Variants in AIDA observed in about 807,000 individuals in gnomAD.
AIDA encodes axin interactor, dorsalization associated.
Under a neutral mutation model 42.7 loss-of-function variants are expected in AIDA, and 18 were observed. The ratio of observed to expected loss-of-function variants is 0.42; its 90% CI spans 0.29 to 0.63. The LOEUF (loss-of-function observed/expected upper bound fraction) is 0.63. AIDA is among the 20% of genes least tolerant of loss of function. The pLI is 0.19. For missense variants in AIDA, 250 were observed against 354.1 expected (o/e 0.71, Z 2.36); for synonymous variants, 104 against 122.9 (o/e 0.85, Z 1.02).
chr1:222,688,513 A>G (rs1440735966), intron 4 of AIDA, among the ~76,000 whole-genome samples: 1 of 152,134 alleles, frequency 6.6e-6, no homozygotes, highest in Non-Finnish European at 1.5e-5. Flanking sequence ...TACTTTTTAT[A>G]GTATATTGTT....
At chr1:222,670,105 G>C in intron 9 of AIDA, 28 bp downstream of exon 9, 1 of 1,609,568 alleles carries the variant, frequency 6.2e-7, no homozygotes, top group East Asian at 2.2e-5. Context: ...CATCAAATTA[G>C]TACTAATTCT....
At chr1:222,698,951 G>T (rs372993512) in intron 2 of AIDA, among the ~76,000 whole-genome samples, 3 of 151,358 alleles carry the variant, frequency 2.0e-5, no homozygotes, top group African/African-American at 7.3e-5. Flanking sequence ...TCAGCCTCCC[G>T]AGTAGCTGGG....
At chr1:222,687,499 T>C in intron 5 of AIDA, 96 bp downstream of exon 5, 2 of 1,045,524 alleles carry the variant, frequency 1.9e-6, no homozygotes, top group Non-Finnish European at 2.7e-6. Context: ...GTCAATGATA[T>C]CAATAATACC....
intron 4 of AIDA, among the ~76,000 whole-genome samples, chr1:222,689,703 G>A (rs1456633000): frequency 6.6e-6 from 1 of 150,860 alleles, no homozygotes; most frequent in Non-Finnish European, 1.5e-5. Context: ...AAAAGTTAAA[G>A]TTAATAAAGT....
chr1:222,709,591 G>T (rs887082265), intron 1 of AIDA, among the ~76,000 whole-genome samples: 2 of 152,082 alleles, frequency 1.3e-5, no homozygotes, highest in African/African-American at 4.8e-5. Flanking sequence ...AAACAGGGTG[G>T]CCAGAGACAG....
chr1:222,687,256 C>G lies in AIDA; in HGVS notation c.354-220G>C, dbSNP rs942300868. Among the ~76,000 whole-genome samples the G allele has an allele frequency of 2.0e-5, 3 of 151,976 alleles. No individual in the cohort carries two copies. The East Asian group carries it at 5.8e-4, about 29-fold the overall frequency. ...ACCAGCCTGGGCAATACGGTGAAAT[C>G]CCGTCTCTACTAAAATACAAAAAAA... On this transcript the variant is annotated intron_variant, in intron 5 of 9. Coordinates refer to ENST00000340020, the MANE Select transcript of AIDA (RefSeq NM_022831.4).
intron 1 of AIDA, chr1:222,711,989 G>A (rs1656074192): frequency 3.3e-6 from 2 of 604,404 alleles, no homozygotes; most frequent in Admixed American, 3.2e-5. Flanking sequence ...TCCCTGCGGA[G>A]GCGGAGAGGG....
At chr1:222,691,136 T>C (rs1323680090) in intron 4 of AIDA, among the ~76,000 whole-genome samples, 1 of 152,164 alleles carries the variant, frequency 6.6e-6, no homozygotes, top group Non-Finnish European at 1.5e-5. Context: ...TAGAAGACAT[T>C]TGAGCCATGA....
chr1:222,672,559 C>T (rs1401962464), intron 8 of AIDA, among the ~76,000 whole-genome samples: 1 of 152,204 alleles, frequency 6.6e-6, no homozygotes, highest in African/African-American at 2.4e-5. Context: ...CCAGGTGCTG[C>T]TCCTGTTCCA....
At chr1:222,703,528 T>C (rs1243190762) in intron 1 of AIDA, among the ~76,000 whole-genome samples, 1 of 152,184 alleles carries the variant, frequency 6.6e-6, no homozygotes, top group Non-Finnish European at 1.5e-5. Context: ...CTTTCTTCTA[T>C]AATAAGCCAA....
chr1:222,707,588 G>A (rs1478543832), intron 1 of AIDA, among the ~76,000 whole-genome samples: 1 of 152,190 alleles, frequency 6.6e-6, no homozygotes, highest in Non-Finnish European at 1.5e-5. Context: ...AATATTAGAT[G>A]AGCAAATAAA....
chr1:222,710,914 G>C (rs1405484421), intron 1 of AIDA, among the ~76,000 whole-genome samples: 5 of 152,330 alleles, frequency 3.3e-5, no homozygotes, highest in Admixed American at 6.5e-5. Flanking sequence ...AAATGGCTCA[G>C]AGCACGGGTT....
chr1:222,703,077 G>T, intron 2 of AIDA, 71 bp downstream of exon 2: 7 of 1,240,784 alleles, frequency 5.6e-6, no homozygotes, highest in African/African-American at 1.5e-5. Flanking sequence ...TTTTTGTTTT[G>T]CTTAATGAAC....
chr1:222,684,331 C>T (rs1188907662), intron 6 of AIDA, among the ~76,000 whole-genome samples: 2 of 152,038 alleles, frequency 1.3e-5, no homozygotes, highest in African/African-American at 2.4e-5. Flanking sequence ...AGGCTGGTCT[C>T]GAACTCCTGA....
chr1:222,683,937 A>G (rs1158854723), intron 6 of AIDA, among the ~76,000 whole-genome samples: 3 of 152,150 alleles, frequency 2.0e-5, no homozygotes, highest in Non-Finnish European at 4.4e-5. Flanking sequence ...TATTTTCATG[A>G]AAGGCTGGCT....
chr1:222,693,565 A>C (rs181267403), intron 4 of AIDA, among the ~76,000 whole-genome samples: 73 of 152,304 alleles, frequency 4.8e-4, no homozygotes, highest in Admixed American at 1.2e-3. Context: ...AAAGGCTAAT[A>C]CATATTTAGA....
chr1:222,686,637 T>C (rs1165685140), intron 6 of AIDA, among the ~76,000 whole-genome samples: 1 of 152,172 alleles, frequency 6.6e-6, no homozygotes, highest in East Asian at 1.9e-4. Context: ...GCTGATTTTG[T>C]TCTTGTGTTC....
In AIDA at chr1:222,687,195, C is replaced by T. The variant is rs571365565; in HGVS notation, c.354-159G>A. 106 of 717,114 alleles carry T rather than the reference C, an allele frequency of 1.5e-4. No homozygotes were observed. The African/African-American group carries it at 1.8e-3, about 12-fold the overall frequency. The allele number at this position is 717,114 out of a possible 1,614,324, so 44.4% of individuals were successfully genotyped here. On this transcript the variant is annotated intron_variant, in intron 5 of 9. Coordinates refer to ENST00000340020, the MANE Select transcript of AIDA (RefSeq NM_022831.4). ...TTGTAATCCTAGCACTTTTGGAGGC[C>T]GAGGCGGGCAGACTGCCTGAGCTCA...
chr1:222,680,969 A>C (rs914583982), intron 6 of AIDA, among the ~76,000 whole-genome samples: 3 of 152,112 alleles, frequency 2.0e-5, no homozygotes, highest in African/African-American at 7.2e-5. Flanking sequence ...CCGCGCAATA[A>C]GTGGACACAA....
Sources: allele counts gnomAD v4.1 joint callset (sites outside exome capture counted in the v4.1 genomes callset), GRCh38; gene constraint gnomAD v4.1.1; transcripts MANE v1.5; gene names NCBI Gene and HGNC (gene_info 2026-07-23, HGNC 2026-07-21).